ARHGAP42: variants seen among roughly 807,000 people sequenced by gnomAD.
ARHGAP42 encodes the protein Rho GTPase activating protein 42, also known as rho GTPase-activating protein 42.
ARHGAP42 carries 63 observed loss-of-function variants against 125.0 expected under a neutral mutation model. That is an observed-to-expected ratio of 0.50 (90% CI 0.41 to 0.62). The LOEUF (loss-of-function observed/expected upper bound fraction) is 0.62. ARHGAP42 is among the 20% of genes least tolerant of loss of function. ARHGAP42 has a pLI of 0.00. For synonymous variants in ARHGAP42, 339 were observed against 351.0 expected (o/e 0.97, Z 0.38); for missense variants, 766 against 1,024.2 (o/e 0.75, Z 3.44).
intron 1 of ARHGAP42, among the ~76,000 whole-genome samples, chr11:100,732,813 A>T (rs1312634790): frequency 6.6e-6 from 1 of 152,204 alleles, no homozygotes; most frequent in Non-Finnish European, 1.5e-5. Flanking sequence ...CAGCAATTTT[A>T]CCAATAGAAA....
At chr11:100,751,288 T>TTTTTTTTTTTTTTTTG (rs1862450394) in intron 1 of ARHGAP42, among the ~76,000 whole-genome samples, 8 of 139,204 alleles carry the variant, frequency 5.7e-5, no homozygotes, top group Admixed American at 2.9e-4. Context: ...TGTTTTTTTT[T>TTTTTTTTTTTTTTTTG]TTTTTTTTTT....
chr11:100,864,462 G>A (rs957409726), intron 4 of ARHGAP42, among the ~76,000 whole-genome samples: 2 of 152,086 alleles, frequency 1.3e-5, no homozygotes, highest in Non-Finnish European at 1.5e-5. Context: ...GATTACAGTC[G>A]TGAGCCACCG....
chr11:100,796,616 A>C lies in ARHGAP42; in HGVS notation c.312+1450A>C, dbSNP rs996152921. Among the ~76,000 whole-genome samples the C allele has an allele frequency of 5.3e-5, 8 of 152,330 alleles. No individual in the cohort carries two copies. In the East Asian group the frequency reaches 1.5e-3, roughly 29 times the overall value. ...AGGAAAGTTCTTGGAGGAAATTAAA[A>C]GTACTAGTCTATTAAACCCACAAAT... On this transcript the variant is annotated intron_variant, in intron 3 of 23. Coordinates refer to ENST00000298815, the MANE Select transcript of ARHGAP42 (RefSeq NM_152432.4).
At chr11:100,782,347 C>T (rs1445022730) in intron 2 of ARHGAP42, among the ~76,000 whole-genome samples, 1 of 152,154 alleles carries the variant, frequency 6.6e-6, no homozygotes, top group Non-Finnish European at 1.5e-5. Flanking sequence ...ATCAAGAGAA[C>T]ACTTTTTAAA....
chr11:100,899,060 T>C (rs1376674796), intron 4 of ARHGAP42, among the ~76,000 whole-genome samples: 1 of 152,234 alleles, frequency 6.6e-6, no homozygotes, highest in Non-Finnish European at 1.5e-5. Flanking sequence ...CTCATTGGTT[T>C]CAAAGAACAT....
chr11:100,806,908 C>T (rs1372741912), intron 3 of ARHGAP42, among the ~76,000 whole-genome samples: 6 of 151,744 alleles, frequency 4.0e-5, no homozygotes, highest in Non-Finnish European at 8.8e-5. Context: ...AGTGCGTTGG[C>T]ACCGTCTTGG....
intron 4 of ARHGAP42, among the ~76,000 whole-genome samples, chr11:100,863,588 A>G (rs1315002091): frequency 6.6e-6 from 1 of 152,226 alleles, no homozygotes; most frequent in Non-Finnish European, 1.5e-5. Flanking sequence ...AGCATTGTTC[A>G]TCTGTGAGAG....
chr11:100,973,692 GA>G (rs1337669237), intron 18 of ARHGAP42, among the ~76,000 whole-genome samples: 2 of 151,958 alleles, frequency 1.3e-5, no homozygotes, highest in Admixed American at 1.3e-4. Flanking sequence ...CTAAACAAAA[GA>G]AAAAAATATA....
chr11:100,741,412 G>A (rs1298021658), intron 1 of ARHGAP42, among the ~76,000 whole-genome samples: 1 of 152,162 alleles, frequency 6.6e-6, no homozygotes, highest in Non-Finnish European at 1.5e-5. Context: ...AAGGCATGAC[G>A]GTAAAGTGTG....
intron 4 of ARHGAP42, among the ~76,000 whole-genome samples, chr11:100,861,171 G>A (rs905285808): frequency 1.1e-4 from 17 of 152,158 alleles, no homozygotes; most frequent in Non-Finnish European, 1.3e-4. Flanking sequence ...AAGAAAAAGG[G>A]GACACAATGG....
At chr11:100,962,341 A>G in intron 15 of ARHGAP42, 68 bp from the exon 16 acceptor site, 1 of 1,247,726 alleles carries the variant, frequency 8.0e-7, no homozygotes, top group Non-Finnish European at 1.1e-6. Flanking sequence ...TCTTAAAGAA[A>G]CACTTAACGT....
intron 3 of ARHGAP42, 188 bp from the exon 4 acceptor site, chr11:100,859,366 A>G: frequency 2.2e-6 from 1 of 446,660 alleles, no homozygotes. Context: ...GTTAGGATCA[A>G]GGGAAATAAT....
chr11:100,813,917 G>A (rs533942720), intron 3 of ARHGAP42, among the ~76,000 whole-genome samples: 29 of 152,210 alleles, frequency 1.9e-4, no homozygotes, highest in Non-Finnish European at 7.4e-5. Context: ...AGAACAGGCC[G>A]GGTGCAGTGG....
intron 22 of ARHGAP42, among the ~76,000 whole-genome samples, chr11:100,981,884 G>C (rs1227405167): frequency 6.6e-6 from 1 of 152,110 alleles, no homozygotes; most frequent in African/African-American, 2.4e-5. Context: ...TGGTGGTTTA[G>C]CTTCTGATCT....
chr11:100,980,393 C>CT (rs1212333538), intron 22 of ARHGAP42, among the ~76,000 whole-genome samples: 1 of 151,736 alleles, frequency 6.6e-6, no homozygotes, highest in African/African-American at 2.4e-5. Context: ...TTAGGAAGCT[C>CT]TAAAAAGTCA....
At chr11:100,875,672 AGG>A (rs1185899796) in intron 4 of ARHGAP42, among the ~76,000 whole-genome samples, 171 of 152,228 alleles carry the variant, frequency 1.1e-3, no homozygotes, top group Admixed American at 3.5e-3. Context: ...CAGGCAACAG[AGG>A]TCAACCCCAT....
intron 4 of ARHGAP42, among the ~76,000 whole-genome samples, chr11:100,906,559 G>A (rs626596): frequency 0.46 from 67,010 of 146,180 alleles, 16,281 homozygotes; most frequent in African/African-American, 0.62. Flanking sequence ...GTACATATTG[G>A]GCCATTTTAA....
At chr11:100,821,480 A>C (rs975184449) in intron 3 of ARHGAP42, among the ~76,000 whole-genome samples, 2 of 152,004 alleles carry the variant, frequency 1.3e-5, no homozygotes, top group African/African-American at 4.8e-5. Context: ...TTGGCAGCCT[A>C]TTCAAAATGA....
chr11:100,961,597 C>T, intron 14 of ARHGAP42, 87 bp from the exon 15 acceptor site: 1 of 1,108,250 alleles, frequency 9.0e-7, no homozygotes, highest in South Asian at 1.5e-5. Context: ...TCTCTTTTGA[C>T]CTACTTACGT....
Sources: allele counts gnomAD v4.1 joint callset (sites outside exome capture counted in the v4.1 genomes callset), GRCh38; gene constraint gnomAD v4.1.1; transcripts MANE v1.5; gene names NCBI Gene and HGNC (gene_info 2026-07-23, HGNC 2026-07-21).